Variants in SDCBP observed in about 807,000 individuals in gnomAD.
The protein encoded by SDCBP is syndecan binding protein, also known as syntenin-1.
Under a neutral mutation model 30.5 loss-of-function variants are expected in SDCBP, and 22 were observed. That is an observed-to-expected ratio of 0.72 (90% CI 0.52 to 1.03). The LOEUF (loss-of-function observed/expected upper bound fraction) is 1.03. Ranked by LOEUF, SDCBP falls within the 50% of genes least tolerant of loss-of-function variation. The probability of loss-of-function intolerance (pLI) is 0.00; values close to 1 mark genes in which losing one functional copy is unlikely to be tolerated. For missense variants in SDCBP, 304 were observed against 369.9 expected, an observed-to-expected ratio of 0.82 and a Z score of 1.46; for synonymous variants, 103 against 118.7, an observed-to-expected ratio of 0.87 and a Z score of 0.86.
chr8:58,576,150 T>C (rs181171849), intron 5 of SDCBP, 89 bp downstream of exon 5: 1 of 959,702 alleles, frequency 1.0e-6, no homozygotes, highest in Non-Finnish European at 1.6e-6. Context: ...GGAAATGCTT[T>C]AATTATAATA....
rs1474458457 is a variant in SDCBP, at chr8:58,581,671, G to C, written c.843-15G>C. 5 of 1,601,762 alleles carry C rather than the reference G, an allele frequency of 3.1e-6. No homozygotes were observed. The highest frequency in any genetic ancestry group is 2.6e-6 in the Non-Finnish European group (3 of 1,169,206). On this transcript the variant is annotated splice_polypyrimidine_tract_variant and intron_variant, in intron 8 of 8. Transcript: ENST00000260130. ...ACCAGAATCTCGGTATATAATAAAA[G>C]TACCTCTCTTGTAGGATGGCACCAA... is the stretch of plus-strand genomic sequence containing the variant.
At chr8:58,562,041 A>G (rs892432879) in intron 1 of SDCBP, among the ~76,000 whole-genome samples, 2 of 152,032 alleles carry the variant, frequency 1.3e-5, no homozygotes, top group Non-Finnish European at 2.9e-5. Context: ...TAGAAAATAC[A>G]CACACACAAA....
At chr8:58,555,399 C>T (rs1054027202) in intron 1 of SDCBP, among the ~76,000 whole-genome samples, 1 of 152,112 alleles carries the variant, frequency 6.6e-6, no homozygotes, top group African/African-American at 2.4e-5. Context: ...GAATGTCAAA[C>T]TTTGGATTTT....
chr8:58,565,654 A>T (rs1488830436), intron 2 of SDCBP, among the ~76,000 whole-genome samples: 1 of 152,086 alleles, frequency 6.6e-6, no homozygotes, highest in Non-Finnish European at 1.5e-5. Flanking sequence ...TGAGTTGAAA[A>T]TTTTTATACT....
intron 2 of SDCBP, among the ~76,000 whole-genome samples, chr8:58,566,189 C>T (rs943567021): frequency 3.9e-5 from 6 of 152,134 alleles, no homozygotes; most frequent in Non-Finnish European, 8.8e-5. Context: ...TTCATCTAAA[C>T]AAGCACTTTT....
chr8:58,572,294 T>C lies in SDCBP; in HGVS notation c.220T>C (p.Ser74Pro). Reference protein sequence around the residue: ...EEIRANVAVVSGAPLQGQLVA... With the variant: ...EEIRANVAVVPGAPLQGQLVA... ...AATACGTGCAAATGTGGCCGTGGTTTCTGGTGCACCACTTCAGGGGGTATG... is the reference window on the plus strand; with the variant it reads ...AATACGTGCAAATGTGGCCGTGGTTCCTGGTGCACCACTTCAGGGGGTATG... Residue 74 changes from serine (S) to proline (P), a missense_variant, in exon 4 of 9, where the codon TCT becomes CCT. Ser to Pro is a moderately conservative substitution (Grantham distance 74, BLOSUM62 -1). Coordinates refer to ENST00000260130, the MANE Select transcript of SDCBP (RefSeq NM_005625.4). 6.2e-7 allele frequency: 1 copy of C among 1,609,612 alleles called. No individual in the cohort carries two copies. Among genetic ancestry groups the C allele is most frequent in the Non-Finnish European group, 8.5e-7 (1 of 1,176,740 alleles).
intron 2 of SDCBP, among the ~76,000 whole-genome samples, chr8:58,570,309 C>A (rs1804944245): frequency 6.6e-6 from 1 of 152,088 alleles, no homozygotes. Flanking sequence ...AATTACATTA[C>A]CTTGTCATCA....
At position 58,582,190 on chromosome 8, in the gene SDCBP, A is replaced by AAAT. The variant is rs1364348110; in HGVS notation, c.*451_*453dup. ...AATGATTGCCTTTGATTTTTTTTTT[A>AAAT]AATTCTGTGTGTGTGTGTGTAAAAT... On this transcript the variant is annotated 3_prime_UTR_variant, in exon 9 of 9. Coordinates refer to ENST00000260130, the MANE Select transcript of SDCBP (RefSeq NM_005625.4). 1 of 155,960 alleles carries AAAT rather than the reference A, an allele frequency of 6.4e-6. No individual in the cohort carries two copies. Among genetic ancestry groups the AAAT allele is most frequent in the African/African-American group, 2.4e-5 (1 of 41,188 alleles). 9.7% of individuals were successfully genotyped at this position (155,960 alleles called of 1,614,324 possible).
chr8:58,567,070 A>G (rs1804739709), intron 2 of SDCBP, among the ~76,000 whole-genome samples: 1 of 152,140 alleles, frequency 6.6e-6, no homozygotes, highest in Non-Finnish European at 1.5e-5. Flanking sequence ...TTTTTTCCAC[A>G]TCCTTTCTGT....
chr8:58,562,990 T>C (rs1428858136), intron 1 of SDCBP, among the ~76,000 whole-genome samples: 1 of 152,176 alleles, frequency 6.6e-6, no homozygotes, highest in African/African-American at 2.4e-5. Context: ...ATATGTTGAA[T>C]CCTGTAATCA....
chr8:58,569,336 G>T (rs28711402), intron 2 of SDCBP, among the ~76,000 whole-genome samples: 36,489 of 148,350 alleles, frequency 0.25, 5,119 homozygotes, highest in Non-Finnish European at 0.31. Flanking sequence ...CCAAAGTGCT[G>T]GGATTACAGG....
intron 2 of SDCBP, chr8:58,570,567 AATTT>A (rs937677972): frequency 1.0e-5 from 2 of 192,342 alleles, no homozygotes; most frequent in African/African-American, 4.7e-5. Flanking sequence ...GAAAATGTAA[AATTT>A]ATTCATTTTA....
intron 2 of SDCBP, among the ~76,000 whole-genome samples, chr8:58,570,329 G>C (rs1333746238): frequency 6.6e-6 from 1 of 152,106 alleles, no homozygotes; most frequent in Non-Finnish European, 1.5e-5. Context: ...ATCGATTTAT[G>C]TCAGTGATAA....
intron 1 of SDCBP, among the ~76,000 whole-genome samples, chr8:58,563,538 G>A (rs1804545974): frequency 6.6e-6 from 1 of 151,824 alleles, no homozygotes; most frequent in African/African-American, 2.4e-5. Flanking sequence ...TATATACTTT[G>A]AAAGGCTGAA....
intron 1 of SDCBP, among the ~76,000 whole-genome samples, chr8:58,557,329 A>G (rs1285005133): frequency 4.4e-5 from 6 of 136,768 alleles, no homozygotes; most frequent in African/African-American, 1.6e-4. Flanking sequence ...TATAAAATAT[A>G]TAAATATAAA....
intron 1 of SDCBP, among the ~76,000 whole-genome samples, chr8:58,557,206 T>G (rs1804177426): frequency 7.9e-6 from 1 of 127,228 alleles, no homozygotes; most frequent in Non-Finnish European, 1.5e-5. Flanking sequence ...TATATTAATA[T>G]TATATTATTT....
Position 58,572,211 on chromosome 8 carries a change from A to G in SDCBP, c.137A>G (p.Tyr46Cys), listed in dbSNP as rs186938508. 2 of 1,594,492 alleles carry G rather than the reference A, an allele frequency of 1.3e-6. No individual in the cohort carries two copies. The highest frequency in any genetic ancestry group is 4.5e-5 in the East Asian group (2 of 44,752). ...SAPIPHDGNL[Y>C]PRLYPELSQY... ...TTATTCATTTACTTTTTAGATCTCT[A>G]TCCCAGACTGTATCCAGAGCTCTCT... The change falls in exon 4 of 9, where the codon TAT becomes TGT. Residue 46 changes from tyrosine (Y) to cysteine (C), a missense_variant. By Grantham distance (194) the Tyr-to-Cys change is radical. Transcript: ENST00000260130.
chr8:58,562,397 C>T (rs528627397), intron 1 of SDCBP, among the ~76,000 whole-genome samples: 41 of 151,974 alleles, frequency 2.7e-4, no homozygotes, highest in Admixed American at 4.6e-4. Context: ...AAAACAATTT[C>T]GAAAAAGAAC....
In SDCBP at chr8:58,564,070, C is replaced by G. The variant is rs142828599; in HGVS notation, c.-15-949C>G. On this transcript the variant is annotated intron_variant, in intron 1 of 8. Coordinates refer to ENST00000260130, the MANE Select transcript of SDCBP (RefSeq NM_005625.4). ...CGTTGGAACCATGAAGAGAAAAGCTCTTCCTCCTACAGTGTACCTCCAGTT... is the reference window on the plus strand; with the variant it reads ...CGTTGGAACCATGAAGAGAAAAGCTGTTCCTCCTACAGTGTACCTCCAGTT... 6.6e-5 allele frequency among the ~76,000 whole-genome samples: 10 copies of G among 152,304 alleles called. No individual in the cohort carries two copies. In the East Asian group the frequency reaches 1.7e-3, roughly 26 times the overall value.
Sources: gnomAD v4.1 joint callset for allele counts (sites outside exome capture counted in the v4.1 genomes callset) on GRCh38, gnomAD v4.1.1 for gene constraint, MANE v1.5 for transcripts, NCBI Gene and HGNC (gene_info 2026-07-23, HGNC 2026-07-21) for gene names.